Variants in KANSL2 observed in about 807,000 individuals in gnomAD.
The protein encoded by KANSL2 is KAT8 regulatory NSL complex subunit 2, also known as NSL complex protein NSL2.
A neutral mutation model predicts 55.6 loss-of-function variants in KANSL2; 34 were observed. The observed-to-expected ratio is 0.61, with a 90% CI of 0.46 to 0.81. The LOEUF is 0.81. Ranked by LOEUF, KANSL2 falls within the 40% of genes least tolerant of loss-of-function variation. The pLI, the probability that KANSL2 is intolerant of heterozygous loss-of-function variation, is 0.00. For missense variants in KANSL2, 502 were observed against 609.9 expected (o/e 0.82, Z 1.86); for synonymous variants, 209 against 214.3 (o/e 0.98, Z 0.22).
At chr12:48,681,674 T>C (rs745573346) in intron 1 of KANSL2, 33 bp from the exon 2 acceptor site, 47 of 1,613,372 alleles carry the variant, frequency 2.9e-5, no homozygotes, top group Non-Finnish European at 3.4e-5. Context: ...AAAAAGCCCT[T>C]ACCCTTCCCG....
chr12:48,666,931 AGCATTCTGG>A (rs1939611914), intron 7 of KANSL2, among the ~76,000 whole-genome samples: 1 of 152,036 alleles, frequency 6.6e-6, no homozygotes, highest in South Asian at 2.1e-4. Context: ...CTGTAATCCC[AGCATTCTGG>A]GAAGCCAAGG....
At position 48,667,713 on chromosome 12, in the gene KANSL2, A is replaced by T. The variant is rs758914261; in HGVS notation, c.953T>A (p.Met318Lys). ...DVRCSNQSLP[M>K]TRHCLTHICQ... ...GATACGGGTAAGGCAGTGTCTGGTC[A>T]TTGGAAGAGACTGATTGGAACAACG... is the stretch of plus-strand genomic sequence containing the variant. The change falls in exon 7 of 10, where the codon ATG becomes AAG. Residue 318 changes from methionine to lysine, a missense_variant. By Grantham distance (95) the Met-to-Lys change is moderately conservative. Transcript: ENST00000420613. 1.4e-5 allele frequency: 23 copies of T among 1,613,594 alleles called. No individual in the cohort carries two copies. The highest frequency in any genetic ancestry group is 1.9e-5 in the Non-Finnish European group (23 of 1,179,612).
intron 7 of KANSL2, chr12:48,662,414 T>C: frequency 1.1e-6 from 1 of 926,188 alleles, no homozygotes; most frequent in Non-Finnish European, 1.3e-6. Context: ...CAAGAACTTT[T>C]TTTTATTGGA....
chr12:48,669,484 G>A (rs1029477069), intron 5 of KANSL2, among the ~76,000 whole-genome samples: 3 of 151,880 alleles, frequency 2.0e-5, no homozygotes, highest in Non-Finnish European at 2.9e-5. Flanking sequence ...TACATACTAT[G>A]GTGGTCCCAT....
At chr12:48,657,492 T>TACC (rs1939408215) in intron 8 of KANSL2, among the ~76,000 whole-genome samples, 1 of 151,708 alleles carries the variant, frequency 6.6e-6, no homozygotes. Context: ...ACACTCAACC[T>TACC]ACCATTCATT....
Position 48,667,453 on chromosome 12 carries a change from C to T in KANSL2, c.973+240G>A, listed in dbSNP as rs114064510. 228 of 612,330 alleles carry T rather than the reference C, an allele frequency of 3.7e-4. 2 individuals carry two copies. The East Asian group carries it at 6.5e-3, about 17-fold the overall frequency. 37.9% of individuals were successfully genotyped at this position (612,330 alleles called of 1,614,324 possible). On this transcript the variant is annotated intron_variant, in intron 7 of 9. Transcript: ENST00000420613. ...AATATTAGCCCACATCTATGAAAAA[C>T]GACTCATGTTTCTTTCTAATGAATT...
chr12:48,658,014 T>G (rs534392961), intron 8 of KANSL2, among the ~76,000 whole-genome samples: 59 of 152,218 alleles, frequency 3.9e-4, no homozygotes, highest in African/African-American at 1.3e-3. Context: ...GCGAAACACT[T>G]GAGGCCAGGA....
At chr12:48,662,464 C>A in intron 7 of KANSL2, 1 of 1,108,996 alleles carries the variant, frequency 9.0e-7, no homozygotes. Context: ...TATTTAATAC[C>A]ACAATATCCT....
At chr12:48,655,600 G>A (rs1939364169) in intron 8 of KANSL2, among the ~76,000 whole-genome samples, 1 of 151,632 alleles carries the variant, frequency 6.6e-6, no homozygotes, top group Non-Finnish European at 1.5e-5. Flanking sequence ...AAAATTCACA[G>A]AAACACAAAG....
rs1047375167 is a variant in KANSL2 at position 48,672,915 on chromosome 12, C to T, written c.546-953G>A. On this transcript the variant is annotated intron_variant, in intron 4 of 9. Transcript: ENST00000420613. ...CTGGCATTACAGGCACCTACCACCA[C>T]GCCCAGCTAATTTTTATATTTTCAG... 8.6e-5 allele frequency among the ~76,000 whole-genome samples: 13 copies of T among 151,942 alleles called. No individual in the cohort carries two copies. The East Asian group carries it at 1.9e-3, about 23-fold the overall frequency.
chr12:48,665,576 TA>T (rs1005931461), intron 7 of KANSL2, among the ~76,000 whole-genome samples: 16 of 151,896 alleles, frequency 1.1e-4, no homozygotes, highest in African/African-American at 3.9e-4. Flanking sequence ...AAAAAACAAA[TA>T]AAGAAAATAA....
At chr12:48,681,143 A>C in intron 2 of KANSL2, 1 of 301,772 alleles carries the variant, frequency 3.3e-6, no homozygotes. Flanking sequence ...AAAAAAAAAG[A>C]CTAATTTAGA....
At chr12:48,681,693 T>C (rs1372085712) in intron 1 of KANSL2, 52 bp from the exon 2 acceptor site, 1 of 1,610,936 alleles carries the variant, frequency 6.2e-7, no homozygotes, top group Admixed American at 1.7e-5. Context: ...CGAAAATTCC[T>C]GCTCCACACA....
intron 4 of KANSL2, among the ~76,000 whole-genome samples, chr12:48,673,458 G>C (rs1056218631): frequency 6.6e-6 from 1 of 151,970 alleles, no homozygotes; most frequent in African/African-American, 2.4e-5. Context: ...TACTCGGGAG[G>C]CTGGGGCAGG....
At chr12:48,663,131 G>A (rs189041492) in intron 7 of KANSL2, among the ~76,000 whole-genome samples, 4 of 152,188 alleles carry the variant, frequency 2.6e-5, no homozygotes, top group Admixed American at 2.6e-4. Flanking sequence ...CTATTCTCCA[G>A]CTCTAAAAAT....
intron 4 of KANSL2, among the ~76,000 whole-genome samples, chr12:48,675,785 C>T (rs1366378737): frequency 6.6e-6 from 1 of 152,050 alleles, no homozygotes; most frequent in Non-Finnish European, 1.5e-5. Flanking sequence ...CTTTCAGAGC[C>T]GGACATTAAA....
chr12:48,680,094 C>T (rs1939893268), intron 2 of KANSL2: 1 of 382,224 alleles, frequency 2.6e-6, no homozygotes, highest in Non-Finnish European at 4.9e-6. Flanking sequence ...GGGTCTTGCT[C>T]TGTTGCCCAG....
At chr12:48,679,547 C>G in intron 3 of KANSL2, 108 bp downstream of exon 3, 1 of 841,380 alleles carries the variant, frequency 1.2e-6, no homozygotes, top group Middle Eastern at 3.3e-4. Context: ...CACCAAATTC[C>G]TGATGAATTA....
intron 2 of KANSL2, chr12:48,681,119 A>G: frequency 8.9e-6 from 1 of 112,730 alleles, no homozygotes; most frequent in South Asian, 2.6e-4. Context: ...CATCTCTCTT[A>G]AAAAAAAAAA....
Sources: allele counts gnomAD v4.1 joint callset (sites outside exome capture counted in the v4.1 genomes callset), GRCh38; gene constraint gnomAD v4.1.1; transcripts MANE v1.5; gene names NCBI Gene and HGNC (gene_info 2026-07-23, HGNC 2026-07-21).